Variants in DCAF8 observed in about 807,000 individuals in gnomAD.
DCAF8 encodes the protein DDB1- and CUL4-associated factor 8.
In DCAF8, 20 loss-of-function variants were observed where a neutral mutation model predicts 68.0. That is an observed-to-expected ratio of 0.29 (90% CI 0.21 to 0.43). DCAF8 has a LOEUF of 0.43. Ranked by LOEUF, DCAF8 falls within the 20% of genes least tolerant of loss-of-function variation. The pLI, the probability that DCAF8 is intolerant of heterozygous loss-of-function variation, is 1.00. For synonymous variants in DCAF8, 230 were observed against 276.9 expected (o/e 0.83, Z 1.68); for missense variants, 460 against 771.0 (o/e 0.60, Z 4.78).
At chr1:160,232,140 G>A (rs1303942789) in intron 6 of DCAF8, among the ~76,000 whole-genome samples, 2 of 152,050 alleles carry the variant, frequency 1.3e-5, no homozygotes, top group African/African-American at 4.8e-5. Flanking sequence ...AGCCTGGTAG[G>A]TAGAGGCTGC....
chr1:160,235,098 C>T (rs988678227), intron 6 of DCAF8, among the ~76,000 whole-genome samples: 3 of 151,936 alleles, frequency 2.0e-5, no homozygotes, highest in Non-Finnish European at 4.4e-5. Flanking sequence ...CCATCCCTTA[C>T]TCAATACTGG....
At chr1:160,237,962 TA>T (rs1388379243) in intron 5 of DCAF8, among the ~76,000 whole-genome samples, 2 of 151,998 alleles carry the variant, frequency 1.3e-5, no homozygotes, top group African/African-American at 4.8e-5. Context: ...GGGTTAGGAG[TA>T]GACTTAAGAA....
chr1:160,228,052 G>A (rs79897543), intron 7 of DCAF8, among the ~76,000 whole-genome samples: 2,123 of 151,104 alleles, frequency 0.014, 57 homozygotes, highest in African/African-American at 0.048. Context: ...CACCACACCT[G>A]GAGATATTTA....
chr1:160,243,882 C>A, intron 3 of DCAF8, 78 bp downstream of exon 3: 1 of 1,446,882 alleles, frequency 6.9e-7, no homozygotes, highest in South Asian at 1.2e-5. Context: ...AAAATCCAGG[C>A]CTCCACTCTA....
At chr1:160,224,308 C>A in intron 10 of DCAF8, 134 bp downstream of exon 10, 2 of 643,088 alleles carry the variant, frequency 3.1e-6, no homozygotes, top group South Asian at 4.1e-5. Flanking sequence ...AAAACTCCAG[C>A]CCAATTCAGG....
chr1:160,230,689 T>TG (rs1239322864), intron 7 of DCAF8, among the ~76,000 whole-genome samples: 6 of 152,226 alleles, frequency 3.9e-5, no homozygotes, highest in African/African-American at 1.4e-4. Flanking sequence ...ATATAGTACT[T>TG]GCTGGTAAAC....
chr1:160,217,380 C>A lies in DCAF8; in HGVS notation c.*212G>T. ...TTCTGCCGAGTCCTATGCACCTCTC[C>A]ATAGAGCCCCATTCCAGGGCTCAAC... On this transcript the variant is annotated 3_prime_UTR_variant, in exon 14 of 14. Coordinates refer to ENST00000368074, the MANE Select transcript of DCAF8 (RefSeq NM_015726.4). The A allele has an allele frequency of 2.1e-6, 1 of 487,564 alleles. No individual in the cohort carries two copies. Among genetic ancestry groups the A allele is most frequent in the South Asian group, 3.9e-5 (1 of 25,592 alleles). 30.2% of individuals were successfully genotyped at this position (487,564 alleles called of 1,614,324 possible).
At chr1:160,254,434 T>C (rs1656739877) in intron 2 of DCAF8, among the ~76,000 whole-genome samples, 1 of 152,210 alleles carries the variant, frequency 6.6e-6, no homozygotes, top group Non-Finnish European at 1.5e-5. Flanking sequence ...ATAATTTATA[T>C]ACATATGTTT....
chr1:160,248,145 A>G (rs1656424958), intron 2 of DCAF8, among the ~76,000 whole-genome samples: 1 of 151,956 alleles, frequency 6.6e-6, no homozygotes, highest in Admixed American at 6.6e-5. Context: ...CGTCTCTACT[A>G]AAAATACAAA....
intron 12 of DCAF8, 75 bp from the exon 13 acceptor site, chr1:160,218,515 C>A (rs911959406): frequency 3.6e-5 from 40 of 1,112,334 alleles, no homozygotes; most frequent in Non-Finnish European, 5.1e-5. Flanking sequence ...AGGCTGATCT[C>A]CTATCCCAAT....
chr1:160,241,660 T>G (rs1656121215), intron 3 of DCAF8, among the ~76,000 whole-genome samples: 1 of 152,240 alleles, frequency 6.6e-6, no homozygotes, highest in African/African-American at 2.4e-5. Flanking sequence ...ATAAAGATTT[T>G]AAATGCTGCT....
intron 7 of DCAF8, among the ~76,000 whole-genome samples, chr1:160,226,514 G>GT (rs1655479496): frequency 2.0e-5 from 3 of 152,166 alleles, no homozygotes; most frequent in African/African-American, 7.2e-5. Context: ...GACAGATCCA[G>GT]TATCTGTTCT....
intron 4 of DCAF8, chr1:160,239,034 G>A (rs995457381): frequency 7.2e-5 from 36 of 498,920 alleles, no homozygotes; most frequent in Non-Finnish European, 1.0e-4. Context: ...TCTAGCAGAG[G>A]AGAAAAGGAA....
intron 6 of DCAF8, among the ~76,000 whole-genome samples, chr1:160,233,472 G>A (rs1174628048): frequency 6.6e-6 from 1 of 152,056 alleles, no homozygotes; most frequent in African/African-American, 2.4e-5. Flanking sequence ...CCCTAATGGT[G>A]TCCCCCACAC....
At chr1:160,241,249 G>GT (rs752405257) in intron 3 of DCAF8, among the ~76,000 whole-genome samples, 2 of 152,202 alleles carry the variant, frequency 1.3e-5, no homozygotes, top group Admixed American at 6.5e-5. Context: ...AGCTGAAGGG[G>GT]TAAGTGGGAA....
At chr1:160,230,356 T>C (rs756442087) in intron 7 of DCAF8, among the ~76,000 whole-genome samples, 3 of 152,136 alleles carry the variant, frequency 2.0e-5, no homozygotes, top group Admixed American at 1.3e-4. Context: ...CAAAGAAACA[T>C]AGTTAAAATA....
chr1:160,230,137 T>C (rs1018102920), intron 7 of DCAF8, among the ~76,000 whole-genome samples: 55 of 152,306 alleles, frequency 3.6e-4, no homozygotes, highest in African/African-American at 1.3e-3. Context: ...CCAGGATTCT[T>C]GAACAAGGCA....
chr1:160,255,399 G>T (rs1033890640), intron 2 of DCAF8, among the ~76,000 whole-genome samples: 1 of 152,146 alleles, frequency 6.6e-6, no homozygotes. Flanking sequence ...CTCCCAAAGT[G>T]CTGGGATTAT....
chr1:160,251,914 A>C (rs1656614826), intron 2 of DCAF8, among the ~76,000 whole-genome samples: 1 of 152,214 alleles, frequency 6.6e-6, no homozygotes, highest in African/African-American at 2.4e-5. Flanking sequence ...GGAGGGGTCC[A>C]ACATATGACA....
Sources: gnomAD v4.1 joint callset for allele counts (sites outside exome capture counted in the v4.1 genomes callset) on GRCh38, gnomAD v4.1.1 for gene constraint, MANE v1.5 for transcripts, NCBI Gene and HGNC (gene_info 2026-07-23, HGNC 2026-07-21) for gene names.